The following ATF6B variants were observed in gnomAD, a reference collection of about 807,000 sequenced individuals.
The protein encoded by ATF6B is cyclic AMP-dependent transcription factor ATF-6 beta.
ATF6B carries 50 observed loss-of-function variants against 83.5 expected under a neutral mutation model. The ratio of observed to expected loss-of-function variants is 0.60; its 90% confidence interval spans 0.48 to 0.76. The LOEUF is 0.76. Among genes scored for constraint, ATF6B ranks in the 30% least tolerant of loss-of-function variants. The probability of loss-of-function intolerance (pLI) is 0.00; values close to 1 mark genes in which losing one functional copy is unlikely to be tolerated. For synonymous variants in ATF6B, 344 were observed against 362.8 expected (o/e 0.95, Z 0.59); for missense variants, 790 against 893.8 (o/e 0.88, Z 1.48).
At chr6:32,128,066 C>T (rs1409885997) in intron 1 of ATF6B, 51 bp downstream of exon 1, 24 of 1,598,124 alleles carry the variant, frequency 1.5e-5, no homozygotes, top group Non-Finnish European at 2.1e-5. Context: ...TTCTTTCCCG[C>T]GTGCCTCAGG....
intron 5 of ATF6B, among the ~76,000 whole-genome samples, chr6:32,123,175 T>G (rs1283671881): frequency 1.6e-5 from 2 of 124,816 alleles, no homozygotes; most frequent in African/African-American, 6.4e-5. Flanking sequence ...TTGCAGTGAG[T>G]GGAGATCACG....
chr6:32,119,061 A>G lies in ATF6B; in HGVS notation c.1047T>C (p.Tyr349=). The G allele has an allele frequency of 6.2e-7, 1 of 1,614,104 alleles. No homozygotes were observed. The highest frequency in any genetic ancestry group is 8.5e-7 in the Non-Finnish European group (1 of 1,180,008). ...ACQSRRKKKE[Y]LQGLEARLQA... is the part of the protein sequence containing the mutation. ...GCAGCCGAGCCTCCAGTCCCTGCAG[A>G]TACTCTTTCTTCTTTCTCCGGGACT... is the stretch of plus-strand genomic sequence containing the variant. The change falls in exon 10 of 18, where the codon TAT becomes TAC. Residue 349 remains tyrosine (Y), a synonymous_variant. Transcript: ENST00000375203. This position sits in a 1 kb window ranked among gnomAD's most constrained non-coding sequence, Gnocchi z 4.9.
chr6:32,118,153 G>A lies in ATF6B; in HGVS notation c.1245-115C>T. On this transcript the variant is annotated intron_variant, in intron 11 of 17. Coordinates refer to ENST00000375203, the MANE Select transcript of ATF6B (RefSeq NM_004381.5). The surrounding 1 kb of genome is among the most constrained non-coding windows in gnomAD (Gnocchi z 5.2). ...GAGTTGCAATCTGTTATACAAGCCT[G>A]AGTCTGCCTCTGTAAGATGGGAATA... 1.5e-6 allele frequency: 2 copies of A among 1,293,128 alleles called. No individual in the cohort carries two copies. Among genetic ancestry groups the A allele is most frequent in the Non-Finnish European group, 2.2e-6 (2 of 916,150 alleles). The allele number at this position is 1,293,128 out of a possible 1,614,324, so 80.1% of individuals were successfully genotyped here.
In ATF6B at chr6:32,117,555, G is replaced by A. The variant is rs1230704498; in HGVS notation, c.1532+32C>T. Reference sequence around the variant, plus strand: ...CTGCAGAAGGCCTTGGGAGGCCGGGGGAGCTGGATGCCCCAGCAATGAATC... The same window carrying A: ...CTGCAGAAGGCCTTGGGAGGCCGGGAGAGCTGGATGCCCCAGCAATGAATC... On this transcript the variant is annotated intron_variant, in intron 13 of 17. Coordinates refer to ENST00000375203, the MANE Select transcript of ATF6B (RefSeq NM_004381.5). The surrounding 1 kb of genome is among the most constrained non-coding windows in gnomAD (Gnocchi z 5.0). 5 of 1,608,350 alleles carry A rather than the reference G, an allele frequency of 3.1e-6. No individual in the cohort carries two copies. The East Asian group carries it at 1.1e-4, about 36-fold the overall frequency.
rs1330003248 is a variant in ATF6B at position 32,119,714 on chromosome 6, T to A, written c.966+110A>T. The A allele has an allele frequency of 2.0e-6, 3 of 1,484,848 alleles. No homozygotes were observed. Among genetic ancestry groups the A allele is most frequent in the Non-Finnish European group, 2.7e-6 (3 of 1,100,116 alleles). The allele number at this position is 1,484,848 out of a possible 1,614,324, so 92.0% of individuals were successfully genotyped here. A position where few individuals can be genotyped will look rare whatever the true frequency, so the allele number is the denominator to read the frequency against. ...TGATCTAATGGGTCCGTTTCCTCAC[T>A]TTTTTCTCCTAGGTATCGACTCCCT... On this transcript the variant is annotated intron_variant, in intron 9 of 17. Transcript: ENST00000375203. This position sits in a 1 kb window ranked among gnomAD's most constrained non-coding sequence, Gnocchi z 4.9.
chr6:32,127,045 T>A, intron 4 of ATF6B, 58 bp downstream of exon 4: 1 of 1,359,956 alleles, frequency 7.4e-7, no homozygotes, highest in South Asian at 1.5e-5. Context: ...CACCCACGGG[T>A]GAAGGGAATG....
At chr6:32,120,102 T>A in intron 8 of ATF6B, 145 bp from the exon 9 acceptor site, 1 of 1,069,624 alleles carries the variant, frequency 9.3e-7, no homozygotes, top group Non-Finnish European at 1.3e-6. Context: ...CCTTTTCTCC[T>A]TTTTTTCTTT....
rs977845727 is a variant in ATF6B, at chr6:32,125,371, G to A, written c.478+746C>T. Among the ~76,000 whole-genome samples the A allele has an allele frequency of 7.2e-5, 11 of 152,266 alleles. No homozygotes were observed. Among genetic ancestry groups the A allele is most frequent in the East Asian group, 5.8e-4 (3 of 5,180 alleles). Reference sequence around the variant, plus strand: ...AAACATTTACTAAATACACAGCTACGAGTAAATAAACTTGGGAACACTTTA... The same window carrying A: ...AAACATTTACTAAATACACAGCTACAAGTAAATAAACTTGGGAACACTTTA... On this transcript the variant is annotated intron_variant, in intron 5 of 17. Coordinates refer to ENST00000375203, the MANE Select transcript of ATF6B (RefSeq NM_004381.5). The surrounding 1 kb of genome is among the most constrained non-coding windows in gnomAD (Gnocchi z 4.1).
At position 32,127,098 on chromosome 6, in the gene ATF6B, C is replaced by G; in HGVS notation, c.342+5G>C. On this transcript the variant is annotated splice_donor_5th_base_variant and intron_variant, in intron 4 of 17. Coordinates refer to ENST00000375203, the MANE Select transcript of ATF6B (RefSeq NM_004381.5). Reference sequence around the variant, plus strand: ...CAGAGAGTAAGAGGGATATGGCTCTCTCACCTCGCTGGATGGCTCTGTGGA... The same window carrying G: ...CAGAGAGTAAGAGGGATATGGCTCTGTCACCTCGCTGGATGGCTCTGTGGA... 1 of 1,584,392 alleles carries G rather than the reference C, an allele frequency of 6.3e-7. No individual in the cohort carries two copies.
At chr6:32,120,731 G>C in intron 8 of ATF6B, 40 bp downstream of exon 8, 2 of 1,599,786 alleles carry the variant, frequency 1.3e-6, no homozygotes, top group Non-Finnish European at 1.7e-6. Context: ...GATTACCGGC[G>C]TGAGCCACCA....
Position 32,125,996 on chromosome 6 carries a change from C to A in ATF6B, c.478+121G>T. On this transcript the variant is annotated intron_variant, in intron 5 of 17. Coordinates refer to ENST00000375203, the MANE Select transcript of ATF6B (RefSeq NM_004381.5). The surrounding 1 kb of genome is among the most constrained non-coding windows in gnomAD (Gnocchi z 4.1). The stretch of plus-strand genomic sequence containing the variant: ...CTCCTGGTTTTCTGCCATTTCCCCT[C>A]CCCACCTTTTTCTCCCTGTCCTGCT... 2.1e-6 allele frequency: 3 copies of A among 1,433,276 alleles called. No homozygotes were observed. Among genetic ancestry groups the A allele is most frequent in the Non-Finnish European group, 2.8e-6 (3 of 1,062,134 alleles). 88.8% of individuals were successfully genotyped at this position (1,433,276 alleles called of 1,614,324 possible). A position where few individuals can be genotyped will look rare whatever the true frequency, so the allele number is the denominator to read the frequency against.
At chr6:32,126,300 A>C in intron 4 of ATF6B, 48 bp from the exon 5 acceptor site, 1 of 1,601,428 alleles carries the variant, frequency 6.2e-7, no homozygotes, top group Non-Finnish European at 8.5e-7. Context: ...AGGGCAAAAA[A>C]CAAGGGAGAT....
Position 32,116,684 on chromosome 6 carries a change from G to T in ATF6B, c.1797+20C>A, listed in dbSNP as rs765008480. ...CTGGGAACCTGGGGTGACAGAGATG[G>T]AAGGGCAGGAGAAACTCACCCTTCG... On this transcript the variant is annotated intron_variant, in intron 16 of 17. Transcript: ENST00000375203. The surrounding 1 kb of genome is among the most constrained non-coding windows in gnomAD (Gnocchi z 5.1). The T allele has an allele frequency of 1.2e-6, 2 of 1,611,700 alleles. No individual in the cohort carries two copies. The highest frequency in any genetic ancestry group is 4.5e-5 in the East Asian group (2 of 44,870).
Position 32,117,279 on chromosome 6 carries a change from C to T in ATF6B, c.1614+44G>A. ...GAAATCCCCAGACAAGGCCTTTAGC[C>T]CTTGTCTTCAAGTGGCCTTCCTTGA... On this transcript the variant is annotated intron_variant, in intron 14 of 17. Transcript: ENST00000375203. The surrounding 1 kb of genome is among the most constrained non-coding windows in gnomAD (Gnocchi z 5.0). 12 of 1,599,914 alleles carry T rather than the reference C, an allele frequency of 7.5e-6. No individual in the cohort carries two copies. Among genetic ancestry groups the T allele is most frequent in the Non-Finnish European group, 9.4e-6 (11 of 1,170,684 alleles).
At position 32,120,879 on chromosome 6, in the gene ATF6B, G is replaced by A. The variant is rs541457745; in HGVS notation, c.724C>T (p.Pro242Ser). ...ACTACAGGTTTGGGCTGCAGTGGCG[G>A]CTTCCGGGTGGGCAGGGCTTTGCCT... The part of the protein sequence containing the change: ...SSGKALPTRK[P>S]PLQPKPVVLT... The change falls in exon 8 of 18, where the codon CCG becomes TCG. Residue 242 changes from proline (P) to serine (S), a missense_variant. Transcript: ENST00000375203. The A allele has an allele frequency of 1.7e-4, 260 of 1,548,464 alleles. 1 individual carries two copies. In the East Asian group the frequency reaches 2.5e-3, roughly 15 times the overall value.
Position 32,115,430 on chromosome 6 carries a change from C to A in ATF6B, c.*309G>T, listed in dbSNP as rs2127328547. 3.9e-6 allele frequency: 1 copy of A among 256,420 alleles called. No individual in the cohort carries two copies. The highest frequency in any genetic ancestry group is 7.3e-6 in the Non-Finnish European group (1 of 136,480). 15.9% of individuals were successfully genotyped at this position (256,420 alleles called of 1,614,324 possible). A position where few individuals can be genotyped will look rare whatever the true frequency, so the allele number is the denominator to read the frequency against. ...GGGGACTAAATTCCCACCTCCACTG[C>A]CATAACACTAGAGAAACAAAATAAA... On this transcript the variant is annotated 3_prime_UTR_variant, in exon 18 of 18. Coordinates refer to ENST00000375203, the MANE Select transcript of ATF6B (RefSeq NM_004381.5).
At chr6:32,128,042 CT>C in intron 1 of ATF6B, 74 bp downstream of exon 1, 1 of 1,571,380 alleles carries the variant, frequency 6.4e-7, no homozygotes, top group Non-Finnish European at 8.7e-7. Context: ...CAGACTTCCT[CT>C]TTAGGCCCCC....
Position 32,121,017 on chromosome 6 carries a change from G to A in ATF6B, c.672C>T (p.Ser224=). ...PAPSLGAVQI[S]MGPSLDGSSG... Reference sequence around the variant, plus strand: ...AGGAGCCATCAAGGGATGGGCCCATGCTGATCTGGACAGCTCCAAGTGAGG... The same window carrying A: ...AGGAGCCATCAAGGGATGGGCCCATACTGATCTGGACAGCTCCAAGTGAGG... The change falls in exon 7 of 18, where the codon AGC becomes AGT. Residue 224 remains serine, a synonymous_variant. Coordinates refer to ENST00000375203, the MANE Select transcript of ATF6B (RefSeq NM_004381.5). 2 of 1,534,924 alleles carry A rather than the reference G, an allele frequency of 1.3e-6. No individual in the cohort carries two copies. The highest frequency in any genetic ancestry group is 1.7e-6 in the Non-Finnish European group (2 of 1,144,154).
Position 32,117,349 on chromosome 6 carries a change from T to A in ATF6B, c.1588A>T (p.Ile530Phe). Reference sequence around the variant, plus strand: ...TGTCTCTCCTGGGCCCTCTGAGGGATCTTCCTCCGGCCTCTCTGGTGGCGC... The same window carrying A: ...TGTCTCTCCTGGGCCCTCTGAGGGAACTTCCTCCGGCCTCTCTGGTGGCGC... ...VQRHQRGRRK[I>F]PQRAQERQKS... Residue 530 changes from isoleucine to phenylalanine, a missense_variant, in exon 14 of 18, where the codon ATC becomes TTC. This residue lies in a region of ATF6B where 530 missense variants were observed against 632.6 expected (regional missense o/e 0.84). Transcript: ENST00000375203. The surrounding 1 kb of genome is among the most constrained non-coding windows in gnomAD (Gnocchi z 5.0). 2 of 1,613,980 alleles carry A rather than the reference T, an allele frequency of 1.2e-6. No homozygotes were observed. Among genetic ancestry groups the A allele is most frequent in the Non-Finnish European group, 1.7e-6 (2 of 1,179,936 alleles).
Sources: gnomAD v4.1 joint callset for allele counts (sites outside exome capture counted in the v4.1 genomes callset) on GRCh38, gnomAD v4.1.1 for gene constraint, gnomAD v4.1.1 regional missense constraint, Gnocchi (gnomAD v3.1) non-coding constraint, MANE v1.5 for transcripts, NCBI Gene and HGNC (gene_info 2026-07-23, HGNC 2026-07-21) for gene names.